The following WDR59 variants were observed in gnomAD, a reference collection of about 807,000 sequenced individuals.
WDR59 encodes GATOR2 complex protein WDR59.
Under a neutral mutation model 131.2 loss-of-function variants are expected in WDR59, and 100 were observed. The ratio of observed to expected loss-of-function variants is 0.76; its 90% confidence interval spans 0.65 to 0.90. The LOEUF (loss-of-function observed/expected upper bound fraction) is 0.90. Ranked by LOEUF, WDR59 falls within the 40% of genes least tolerant of loss-of-function variation. The pLI is 0.00. For synonymous variants in WDR59, 601 were observed against 466.2 expected (o/e 1.29, Z -3.72); for missense variants, 1,203 against 1,262.2 (o/e 0.95, Z 0.71).
At chr16:74,900,150 G>T (rs761690345) in intron 18 of WDR59, among the ~76,000 whole-genome samples, 17 of 152,200 alleles carry the variant, frequency 1.1e-4, no homozygotes, top group Non-Finnish European at 1.9e-4. Flanking sequence ...AGGTAAGAAG[G>T]AGAACATATA....
intron 18 of WDR59, among the ~76,000 whole-genome samples, chr16:74,896,038 C>T (rs948221956): frequency 2.0e-5 from 3 of 152,044 alleles, no homozygotes; most frequent in Admixed American, 1.3e-4. Flanking sequence ...AACAACACAC[C>T]CACAGGCCCC....
intron 1 of WDR59, among the ~76,000 whole-genome samples, chr16:74,972,042 T>C (rs1346218375): frequency 1.3e-5 from 2 of 152,154 alleles, no homozygotes; most frequent in African/African-American, 4.8e-5. Context: ...AAAGTCCTCC[T>C]CAATTGTAGG....
At chr16:74,946,039 C>G (rs2032614315) in intron 6 of WDR59, among the ~76,000 whole-genome samples, 1 of 152,032 alleles carries the variant, frequency 6.6e-6, no homozygotes, top group African/African-American at 2.4e-5. Flanking sequence ...GTCTCGAACT[C>G]CTGACCTCAG....
At chr16:74,885,080 A>G (rs75674944) in intron 25 of WDR59, among the ~76,000 whole-genome samples, 2,298 of 152,344 alleles carry the variant, frequency 0.015, 42 homozygotes, top group African/African-American at 0.05. Flanking sequence ...AGTCGGACAC[A>G]CAGTGGAATA....
At chr16:74,945,487 A>T (rs1221295181) in intron 6 of WDR59, among the ~76,000 whole-genome samples, 1 of 152,074 alleles carries the variant, frequency 6.6e-6, no homozygotes, top group African/African-American at 2.4e-5. Flanking sequence ...AAAAATAAAA[A>T]AAAAAAAGAA....
At chr16:74,913,649 T>G (rs371895101) in intron 13 of WDR59, among the ~76,000 whole-genome samples, 6 of 152,116 alleles carry the variant, frequency 3.9e-5, no homozygotes, top group African/African-American at 1.2e-4. Flanking sequence ...AGACTGAAAC[T>G]TGTTATATTT....
At chr16:74,893,601 C>G in intron 19 of WDR59, 78 bp downstream of exon 19, 2 of 1,468,708 alleles carry the variant, frequency 1.4e-6, no homozygotes, top group Non-Finnish European at 1.8e-6. Context: ...AGAAAGGATT[C>G]CCACACTCAA....
intron 4 of WDR59, 47 bp from the exon 5 acceptor site, chr16:74,949,845 G>C (rs1435974441): frequency 1.9e-6 from 3 of 1,583,468 alleles, no homozygotes; most frequent in African/African-American, 1.3e-5. Context: ...AAAAAATTCA[G>C]AGTCCAGGTC....
intron 1 of WDR59, among the ~76,000 whole-genome samples, chr16:74,972,962 G>A (rs1306125071): frequency 6.6e-6 from 1 of 151,946 alleles, no homozygotes; most frequent in East Asian, 1.9e-4. Context: ...GCCAGGCACG[G>A]TCGCTCACGC....
rs1035997046 is a variant in WDR59, at chr16:74,904,219, GA to G, written c.1713-120del. The stretch of plus-strand genomic sequence containing the variant: ...ACAAAATGAGAAGATGGAAACTCCA[GA>G]AAAAGAAGTCAATAAAACTTTTAAC... On this transcript the variant is annotated intron_variant, in intron 17 of 25. Transcript: ENST00000262144. The G allele has an allele frequency of 6.5e-5, 82 of 1,267,960 alleles. 1 individual carries two copies. In the African/African-American group the frequency reaches 1.1e-3, roughly 17 times the overall value. 78.5% of individuals were successfully genotyped at this position (1,267,960 alleles called of 1,614,324 possible). A position where few individuals can be genotyped will look rare whatever the true frequency, so the allele number is the denominator to read the frequency against.
chr16:74,886,758 T>TA (rs1458203334), intron 23 of WDR59, among the ~76,000 whole-genome samples: 4 of 151,670 alleles, frequency 2.6e-5, no homozygotes, highest in African/African-American at 9.7e-5. Flanking sequence ...TGTCTTTACT[T>TA]AAAAAAATAC....
intron 2 of WDR59, chr16:74,959,289 C>A: frequency 3.7e-6 from 1 of 270,082 alleles, no homozygotes; most frequent in Non-Finnish European, 7.3e-6. Context: ...AGCAAGCAAA[C>A]AACAACAAAA....
At chr16:74,973,796 G>A (rs1465911679) in intron 1 of WDR59, among the ~76,000 whole-genome samples, 1 of 152,214 alleles carries the variant, frequency 6.6e-6, no homozygotes, top group Non-Finnish European at 1.5e-5. Flanking sequence ...AGTACTTTGG[G>A]AGGCCAAGGC....
At chr16:74,876,928 C>T (rs556455731) in intron 25 of WDR59, among the ~76,000 whole-genome samples, 1 of 152,166 alleles carries the variant, frequency 6.6e-6, no homozygotes, top group South Asian at 2.1e-4. Flanking sequence ...ATATCCCTGA[C>T]AATCCACTAA....
rs550977894 is a variant in WDR59, at chr16:74,976,608, A to AT, written c.54+8355dup. The stretch of plus-strand genomic sequence containing the variant: ...AGGTGCCCACCACCACACCTGGCTA[A>AT]TTTTCTGTATTTTTAGTAGAGACAG... On this transcript the variant is annotated intron_variant, in intron 1 of 25. Transcript: ENST00000262144. Among the ~76,000 whole-genome samples, 1,282 of 151,850 alleles carry AT rather than the reference A, an allele frequency of 8.4e-3. 21 individuals carry two copies. Among genetic ancestry groups the AT allele is most frequent in the African/African-American group, 0.029 (1,210 of 41,436 alleles).
rs1458406545 is a variant in WDR59, at chr16:74,942,792, A to G, written c.480T>C (p.Asn160=). 1 of 1,611,438 alleles carries G rather than the reference A, an allele frequency of 6.2e-7. No homozygotes were observed. The highest frequency in any genetic ancestry group is 8.5e-7 in the Non-Finnish European group (1 of 1,179,200). Residue 160 remains asparagine, a synonymous_variant, in exon 7 of 26, where the codon AAT becomes AAC. Coordinates refer to ENST00000262144, the MANE Select transcript of WDR59 (RefSeq NM_030581.4). ...GASQVKWNKK[N]ANCLATSHDG... is the part of the protein sequence containing the mutation. ...CATGGCTGGTGGCAAGGCAGTTAGCATTTTTTTTATTCCATTTGACCTGGG... is the reference window on the plus strand; with the variant it reads ...CATGGCTGGTGGCAAGGCAGTTAGCGTTTTTTTTATTCCATTTGACCTGGG...
chr16:74,927,719 A>C (rs1030494551), intron 8 of WDR59, among the ~76,000 whole-genome samples: 18 of 130,794 alleles, frequency 1.4e-4, no homozygotes, highest in Admixed American at 2.3e-4. Context: ...CACACACACA[A>C]AACTCAGCTT....
intron 8 of WDR59, among the ~76,000 whole-genome samples, chr16:74,928,467 C>T (rs541623160): frequency 5.3e-5 from 8 of 151,764 alleles, no homozygotes; most frequent in Non-Finnish European, 1.0e-4. Context: ...GATCTGCTTG[C>T]CTAAACCTCC....
rs1964092083 is a variant in WDR59 at position 74,874,233 on chromosome 16, G to A, written c.2901C>T (p.His967=). 6.2e-7 allele frequency: 1 copy of A among 1,614,116 alleles called. No homozygotes were observed. The highest frequency in any genetic ancestry group is 2.2e-5 in the East Asian group (1 of 44,866). ...QEVCPTGCGC[H]CLLESTF is the part of the protein sequence containing the mutation. ...TTCAGAAAGTGCTTTCAAGCAGGCA[G>A]TGGCACCCACACCCGGTGGGACACA... Residue 967 remains histidine (H), a synonymous_variant, in exon 26 of 26, where the codon CAC becomes CAT. Coordinates refer to ENST00000262144, the MANE Select transcript of WDR59 (RefSeq NM_030581.4).
Sources: allele counts gnomAD v4.1 joint callset (sites outside exome capture counted in the v4.1 genomes callset), GRCh38; gene constraint gnomAD v4.1.1; transcripts MANE v1.5; gene names NCBI Gene and HGNC (gene_info 2026-07-23, HGNC 2026-07-21).